C8orf34: variants seen among roughly 807,000 people sequenced by gnomAD.
C8orf34 encodes the protein chromosome 8 open reading frame 34.
In C8orf34, 65 loss-of-function variants were observed where a neutral mutation model predicts 68.3. The observed-to-expected ratio is 0.95, with a 90% CI of 0.78 to 1.17. The LOEUF (loss-of-function observed/expected upper bound fraction) is 1.17. Among genes scored for constraint, C8orf34 ranks in the 50% most tolerant of loss-of-function variants. The pLI is 0.00. For missense variants in C8orf34, 664 were observed against 655.4 expected (o/e 1.01, Z -0.14); for synonymous variants, 244 against 241.2 (o/e 1.01, Z -0.11).
chr8:68,578,766 T>A (rs1262530783), intron 7 of C8orf34, among the ~76,000 whole-genome samples: 4 of 151,974 alleles, frequency 2.6e-5, no homozygotes, highest in Non-Finnish European at 5.9e-5. Context: ...ATGCAACTAG[T>A]ATATGTGAAT....
chr8:68,501,417 C>T (rs1813767320), intron 5 of C8orf34, among the ~76,000 whole-genome samples: 1 of 152,162 alleles, frequency 6.6e-6, no homozygotes, highest in African/African-American at 2.4e-5. Context: ...GATGTGGGCA[C>T]CAGCAAAGTA....
At chr8:68,615,608 A>T (rs1818182313) in intron 7 of C8orf34, among the ~76,000 whole-genome samples, 1 of 152,170 alleles carries the variant, frequency 6.6e-6, no homozygotes, top group Non-Finnish European at 1.5e-5. Context: ...ATTTGCGTAT[A>T]TTGAACCAGT....
intron 9 of C8orf34, among the ~76,000 whole-genome samples, chr8:68,713,223 A>G (rs1821374753): frequency 6.6e-6 from 1 of 152,140 alleles, no homozygotes; most frequent in Non-Finnish European, 1.5e-5. Flanking sequence ...AAGAAGTCTG[A>G]AAGAGCACAA....
intron 7 of C8orf34, among the ~76,000 whole-genome samples, chr8:68,595,758 A>G (rs1817531055): frequency 6.6e-6 from 1 of 152,008 alleles, no homozygotes; most frequent in African/African-American, 2.4e-5. Context: ...CTTTCTCTTA[A>G]TTTTTAAAAA....
intron 7 of C8orf34, among the ~76,000 whole-genome samples, chr8:68,546,468 AAC>A (rs1563522104): frequency 6.6e-6 from 1 of 151,918 alleles, no homozygotes; most frequent in African/African-American, 2.4e-5. Flanking sequence ...ATGCATTTAA[AAC>A]AGTTTCAAAA....
chr8:68,339,106 A>G (rs920005010), intron 1 of C8orf34, among the ~76,000 whole-genome samples: 2 of 151,860 alleles, frequency 1.3e-5, no homozygotes, highest in African/African-American at 4.8e-5. Flanking sequence ...TTTCATTTTC[A>G]TATAAATTTT....
chr8:68,631,174 A>G (rs1818680951), intron 7 of C8orf34, among the ~76,000 whole-genome samples: 1 of 151,926 alleles, frequency 6.6e-6, no homozygotes, highest in African/African-American at 2.4e-5. Context: ...AGGCAGGAGA[A>G]TCACTTGAAC....
chr8:68,435,282 G>T (rs917397117), intron 1 of C8orf34, among the ~76,000 whole-genome samples: 10 of 147,168 alleles, frequency 6.8e-5, no homozygotes, highest in Non-Finnish European at 1.3e-4. Context: ...ATATCACTAA[G>T]AGTTAAGTCA....
chr8:68,433,709 C>A (rs1247999804), intron 1 of C8orf34, among the ~76,000 whole-genome samples: 4 of 152,090 alleles, frequency 2.6e-5, no homozygotes, highest in Non-Finnish European at 5.9e-5. Flanking sequence ...AGTTTCTGTG[C>A]GCCCAAGTGC....
chr8:68,713,244 T>G (rs1383144949), intron 9 of C8orf34, among the ~76,000 whole-genome samples: 1 of 151,962 alleles, frequency 6.6e-6, no homozygotes, highest in African/African-American at 2.4e-5. Flanking sequence ...ATAGATAATC[T>G]AAGGTCATAC....
intron 10 of C8orf34, among the ~76,000 whole-genome samples, chr8:68,761,056 A>T (rs1823010711): frequency 6.6e-6 from 1 of 152,210 alleles, no homozygotes; most frequent in Non-Finnish European, 1.5e-5. Context: ...CCGGTACTGG[A>T]TAAAGGCCAA....
rs143185130 is a variant in C8orf34, at chr8:68,726,060, C to T, written c.1404+4623C>T. ...AGTGTCTGGGATTACAGGCGCACGC[C>T]GCCACACCCAGCTAATTTTTGTATT... On this transcript the variant is annotated intron_variant, in intron 10 of 13. Transcript: ENST00000518698. Among the ~76,000 whole-genome samples the T allele has an allele frequency of 7.7e-3, 1,166 of 152,160 alleles. 22 individuals are homozygous for T. The highest frequency in any genetic ancestry group is 0.026 in the African/African-American group (1,099 of 41,502).
chr8:68,528,472 A>G (rs776229143), intron 6 of C8orf34, among the ~76,000 whole-genome samples: 53 of 152,130 alleles, frequency 3.5e-4, no homozygotes, highest in Admixed American at 6.5e-4. Context: ...TCTCTGCCCC[A>G]TCATGGTAAT....
At chr8:68,764,291 G>A (rs1021180085) in intron 10 of C8orf34, among the ~76,000 whole-genome samples, 8 of 152,158 alleles carry the variant, frequency 5.3e-5, no homozygotes, top group African/African-American at 9.7e-5. Context: ...ATTTGAAACC[G>A]GCCTTCTAAG....
chr8:68,560,637 A>G (rs1816394493), intron 7 of C8orf34, among the ~76,000 whole-genome samples: 1 of 152,198 alleles, frequency 6.6e-6, no homozygotes, highest in African/African-American at 2.4e-5. Context: ...TCTACTGAAT[A>G]CTGTAGGCAA....
chr8:68,734,398 C>T (rs1822067502), intron 10 of C8orf34, among the ~76,000 whole-genome samples: 1 of 152,110 alleles, frequency 6.6e-6, no homozygotes, highest in Non-Finnish European at 1.5e-5. Context: ...CCTGTGGCCC[C>T]ACCACTTGAG....
At chr8:68,702,805 A>G (rs949909516) in intron 8 of C8orf34, among the ~76,000 whole-genome samples, 1 of 152,156 alleles carries the variant, frequency 6.6e-6, no homozygotes, top group African/African-American at 2.4e-5. Flanking sequence ...TTTAAAGTAT[A>G]AAAAATAGCA....
At chr8:68,574,463 T>C (rs2130293480) in intron 7 of C8orf34, among the ~76,000 whole-genome samples, 1 of 152,158 alleles carries the variant, frequency 6.6e-6, no homozygotes, top group East Asian at 1.9e-4. Context: ...CAGTATATGT[T>C]CCCATTTTTA....
At chr8:68,772,009 G>T (rs1362244574) in intron 10 of C8orf34, among the ~76,000 whole-genome samples, 1 of 152,134 alleles carries the variant, frequency 6.6e-6, no homozygotes, top group Non-Finnish European at 1.5e-5. Context: ...AAAAATGATG[G>T]GTGAAGTTTT....
Sources: gnomAD v4.1 joint callset for allele counts (sites outside exome capture counted in the v4.1 genomes callset) on GRCh38, gnomAD v4.1.1 for gene constraint, MANE v1.5 for transcripts, NCBI Gene and HGNC (gene_info 2026-07-23, HGNC 2026-07-21) for gene names.